SETMAR: variants seen among roughly 807,000 people sequenced by gnomAD.
The protein encoded by SETMAR is SET and mariner transposase domain methyltransferase, also known as histone-lysine N-methyltransferase SETMAR.
SETMAR carries 44 observed loss-of-function variants against 58.4 expected under a neutral mutation model. That is an observed-to-expected ratio of 0.75 (90% CI 0.59 to 0.97). The LOEUF (loss-of-function observed/expected upper bound fraction) is 0.97. Ranked by LOEUF, SETMAR falls within the 50% of genes least tolerant of loss-of-function variation. The probability of loss-of-function intolerance (pLI) is 0.00; values close to 1 mark genes in which losing one functional copy is unlikely to be tolerated. For missense variants in SETMAR, 903 were observed against 840.2 expected, an observed-to-expected ratio of 1.07 and a Z score of -0.92; for synonymous variants, 332 against 307.4, an observed-to-expected ratio of 1.08 and a Z score of -0.84.
intron 1 of SETMAR, among the ~76,000 whole-genome samples, chr3:4,305,095 G>C (rs1171317483): frequency 2.0e-5 from 3 of 152,014 alleles, no homozygotes; most frequent in Admixed American, 1.3e-4. Flanking sequence ...TAAGATAAAG[G>C]GTTTTTTTTT....
In SETMAR at chr3:4,316,684, A is replaced by G. The variant is rs1286594489; in HGVS notation, c.1493A>G (p.Lys498Arg). Residue 498 changes from lysine (K) to arginine (R), a missense_variant, in exon 3 of 3, where the codon AAG becomes AGG. Coordinates refer to ENST00000358065, the MANE Select transcript of SETMAR (RefSeq NM_006515.4). ...GATCGGATTGTGACGTGTGATGAAA[A>G]GTGGATTTTATATGACAACCGGCGA... is the stretch of plus-strand genomic sequence containing the variant. The part of the protein sequence containing the change: ...FLDRIVTCDE[K>R]WILYDNRRRS... 7.7e-6 allele frequency: 12 copies of G among 1,551,034 alleles called. No individual in the cohort carries two copies. The highest frequency in any genetic ancestry group is 1.0e-5 in the Non-Finnish European group (12 of 1,146,792).
rs1462577109 is a variant in SETMAR at position 4,313,619 on chromosome 3, C to G, written c.878C>G (p.Ser293Ter). 2 of 1,614,078 alleles carry G rather than the reference C, an allele frequency of 1.2e-6. No homozygotes were observed. Among genetic ancestry groups the G allele is most frequent in the Non-Finnish European group, 1.7e-6 (2 of 1,179,968 alleles). The change falls in exon 2 of 3, where the codon TCA (serine) becomes TGA (stop). Residue 293 changes from serine (S) to a stop codon, truncating the protein, a stop_gained. Coordinates refer to ENST00000358065, the MANE Select transcript of SETMAR (RefSeq NM_006515.4). LOFTEE classifies it high-confidence loss of function. ...AAACCTTGTTACTGTGGTGCCAAAT[C>G]ATGTACTGCTTTCCTGCCTTTTGAC... Reference protein sequence around the residue: ...LRKPCYCGAKSCTAFLPFDSS... With the variant: ...LRKPCYCGAK
rs1015770532 is a variant in SETMAR at position 4,317,261 on chromosome 3, G to A, written c.*15G>A. On this transcript the variant is annotated 3_prime_UTR_variant, in exon 3 of 3. Coordinates refer to ENST00000358065, the MANE Select transcript of SETMAR (RefSeq NM_006515.4). ...ATTTTGATTAATAAAAATGCGTTGA[G>A]CCTAGTTATAATGATTTAAAATTCA... The A allele has an allele frequency of 8.7e-6, 13 of 1,499,986 alleles. No individual in the cohort carries two copies. In the African/African-American group the frequency reaches 1.7e-4, roughly 19 times the overall value. The allele number at this position is 1,499,986 out of a possible 1,614,324, so 92.9% of individuals were successfully genotyped here.
chr3:4,308,050 G>A (rs77596407), intron 1 of SETMAR, among the ~76,000 whole-genome samples: 1,879 of 151,948 alleles, frequency 0.012, 20 homozygotes, highest in African/African-American at 0.038. Flanking sequence ...CCCATTCTCC[G>A]TGTCCTTTAT....
intron 1 of SETMAR, among the ~76,000 whole-genome samples, chr3:4,304,899 G>A (rs150334092): frequency 1.3e-5 from 2 of 152,008 alleles, no homozygotes; most frequent in Non-Finnish European, 2.9e-5. Flanking sequence ...ATGTTTGGGA[G>A]AGAGGAGACG....
rs1169067557 is a variant in SETMAR, at chr3:4,316,659, G to A, written c.1468G>A (p.Asp490Asn). The change falls in exon 3 of 3, where the codon GAT (aspartate) becomes AAT (asparagine). Residue 490 changes from aspartate (D) to asparagine (N), a missense_variant. Asp to Asn is a conservative substitution (Grantham distance 23). Transcript: ENST00000358065. ...ACGCAACCACAACGAACCATTTCTC[G>A]ATCGGATTGTGACGTGTGATGAAAA... ...ILRNHNEPFL[D>N]RIVTCDEKWI... 12 of 1,551,158 alleles carry A rather than the reference G, an allele frequency of 7.7e-6. No individual in the cohort carries two copies. Among genetic ancestry groups the A allele is most frequent in the African/African-American group, 2.7e-5 (2 of 73,114 alleles).
chr3:4,316,296 A>T lies in SETMAR; in HGVS notation c.1105A>T (p.Thr369Ser). 9.4e-7 allele frequency: 1 copy of T among 1,063,376 alleles called. No homozygotes were observed. Among genetic ancestry groups the T allele is most frequent in the Non-Finnish European group, 1.4e-6 (1 of 715,586 alleles). The allele number at this position is 1,063,376 out of a possible 1,614,324, so 65.9% of individuals were successfully genotyped here. A position where few individuals can be genotyped will look rare whatever the true frequency, so the allele number is the denominator to read the frequency against. ...AATGGGTCGTAAAGCAGCAGAAACA[A>T]CTCGCAACATCAACAATGCATTTGG... ...FKMGRKAAET[T>S]RNINNAFGPG... is the part of the protein sequence containing the mutation. Residue 369 changes from threonine to serine, a missense_variant, in exon 3 of 3, where the codon ACT becomes TCT. Transcript: ENST00000358065.
chr3:4,310,988 G>C (rs1698383828), intron 1 of SETMAR, among the ~76,000 whole-genome samples: 1 of 152,214 alleles, frequency 6.6e-6, no homozygotes, highest in South Asian at 2.1e-4. Context: ...AGCAGTCGTT[G>C]AGTTTGACTG....
chr3:4,316,178 A>G (rs1265116361), intron 2 of SETMAR, 34 bp from the exon 3 acceptor site: 3 of 641,060 alleles, frequency 4.7e-6, no homozygotes, highest in African/African-American at 3.6e-5. Context: ...TTTTTTGCTA[A>G]TGACATCTTA....
chr3:4,303,643 C>T, intron 1 of SETMAR, 117 bp downstream of exon 1: 4 of 1,428,014 alleles, frequency 2.8e-6, no homozygotes, highest in Non-Finnish European at 3.7e-6. Flanking sequence ...TCTTACAGCG[C>T]ACCCGTTGGT....
chr3:4,306,718 T>G (rs1409621514), intron 1 of SETMAR, among the ~76,000 whole-genome samples: 1 of 152,256 alleles, frequency 6.6e-6, no homozygotes, highest in Non-Finnish European at 1.5e-5. Flanking sequence ...TCAAAACAGC[T>G]TGCTTGCTCC....
At chr3:4,310,570 G>T (rs1698364843) in intron 1 of SETMAR, among the ~76,000 whole-genome samples, 1 of 152,152 alleles carries the variant, frequency 6.6e-6, no homozygotes, top group South Asian at 2.1e-4. Context: ...GATATCTGCA[G>T]TTCATTCGGA....
Position 4,316,310 on chromosome 3 carries a change from C to T in SETMAR, c.1119C>T (p.Asn373=). Residue 373 remains asparagine, a synonymous_variant, in exon 3 of 3, where the codon AAC becomes AAT. Transcript: ENST00000358065. ...CAGCAGAAACAACTCGCAACATCAA[C>T]AATGCATTTGGCCCAGGAACTGCTA... The part of the protein sequence containing the change: ...RKAAETTRNI[N]NAFGPGTANE... The T allele has an allele frequency of 5.2e-6, 6 of 1,148,102 alleles. No individual in the cohort carries two copies. Among genetic ancestry groups the T allele is most frequent in the Non-Finnish European group, 7.6e-6 (6 of 791,498 alleles). 71.1% of individuals were successfully genotyped at this position (1,148,102 alleles called of 1,614,324 possible).
chr3:4,312,172 T>C (rs59135879), intron 1 of SETMAR, among the ~76,000 whole-genome samples: 5,973 of 152,286 alleles, frequency 0.039, 373 homozygotes, highest in African/African-American at 0.13. Flanking sequence ...CTGTGTGCAA[T>C]TGACTTGTCA....
rs190540891 is a variant in SETMAR at position 4,303,654 on chromosome 3, G to T, written c.156+128G>T. 10,109 of 1,439,830 alleles carry T rather than the reference G, an allele frequency of 7.0e-3. 53 individuals are homozygous for T. Among genetic ancestry groups the T allele is most frequent in the Non-Finnish European group, 8.3e-3 (9,099 of 1,097,284 alleles). The allele number at this position is 1,439,830 out of a possible 1,614,324, so 89.2% of individuals were successfully genotyped here. A position where few individuals can be genotyped will look rare whatever the true frequency, so the allele number is the denominator to read the frequency against. ...CTTCTCTTACAGCGCACCCGTTGGT[G>T]CGCGGGAATAGGTGTGCATGCCCCG... On this transcript the variant is annotated intron_variant, in intron 1 of 2. Coordinates refer to ENST00000358065, the MANE Select transcript of SETMAR (RefSeq NM_006515.4).
chr3:4,316,375 A>C lies in SETMAR; in HGVS notation c.1184A>C (p.Lys395Thr). ...CAGTGGTGGTTCAAGAAGTTTTGCA[A>C]AGGAGATGAGAGCCTTGAAGATGAG... ...TVQWWFKKFC[K>T]GDESLEDEER... The change falls in exon 3 of 3, where the codon AAA (lysine) becomes ACA (threonine). Residue 395 changes from lysine (K) to threonine (T), a missense_variant. Coordinates refer to ENST00000358065, the MANE Select transcript of SETMAR (RefSeq NM_006515.4). The C allele has an allele frequency of 6.4e-7, 1 of 1,552,050 alleles. No individual in the cohort carries two copies. The highest frequency in any genetic ancestry group is 8.7e-7 in the Non-Finnish European group (1 of 1,149,042).
At chr3:4,312,766 G>GCCC (rs1326562894) in intron 1 of SETMAR, 132 bp from the exon 2 acceptor site, 2 of 995,380 alleles carry the variant, frequency 2.0e-6, no homozygotes, top group African/African-American at 3.3e-5. Flanking sequence ...ATCTTAGTAT[G>GCCC]CTGTGTTTTG....
In SETMAR at chr3:4,316,624, C is replaced by G; in HGVS notation, c.1433C>G (p.Ser478Cys). 1 of 1,551,234 alleles carries G rather than the reference C, an allele frequency of 6.4e-7. No homozygotes were observed. The highest frequency in any genetic ancestry group is 1.2e-5 in the South Asian group (1 of 84,046). Reference protein sequence around the residue: ...QKNRRFEVSSSLILRNHNEPF... With the variant: ...QKNRRFEVSSCLILRNHNEPF... ...AATCGTCGTTTTGAAGTGTCATCTT[C>G]TCTTATTCTACGCAACCACAACGAA... Residue 478 changes from serine (S) to cysteine (C), a missense_variant, in exon 3 of 3, where the codon TCT becomes TGT. Coordinates refer to ENST00000358065, the MANE Select transcript of SETMAR (RefSeq NM_006515.4).
Position 4,317,259 on chromosome 3 carries a change from G to C in SETMAR, c.*13G>C. The C allele has an allele frequency of 6.6e-7, 1 of 1,506,316 alleles. No individual in the cohort carries two copies. The highest frequency in any genetic ancestry group is 1.7e-4 in the Middle Eastern group (1 of 5,846). 93.3% of individuals were successfully genotyped at this position (1,506,316 alleles called of 1,614,324 possible). The stretch of plus-strand genomic sequence containing the variant: ...CTATTTTGATTAATAAAAATGCGTT[G>C]AGCCTAGTTATAATGATTTAAAATT... On this transcript the variant is annotated 3_prime_UTR_variant, in exon 3 of 3. Transcript: ENST00000358065.
Sources: allele counts gnomAD v4.1 joint callset (sites outside exome capture counted in the v4.1 genomes callset), GRCh38; gene constraint gnomAD v4.1.1; transcripts MANE v1.5; gene names NCBI Gene and HGNC (gene_info 2026-07-23, HGNC 2026-07-21).